Variants in ANXA11 observed in about 807,000 individuals in gnomAD.
ANXA11 encodes the protein annexin A11.
ANXA11 carries 57 observed loss-of-function variants against 64.7 expected under a neutral mutation model. The observed-to-expected ratio is 0.88, with a 90% CI of 0.71 to 1.10. The LOEUF is 1.10. ANXA11 is among the 50% of genes least tolerant of loss of function. The pLI is 0.00. For synonymous variants in ANXA11, 260 were observed against 265.2 expected (o/e 0.98, Z 0.19); for missense variants, 675 against 670.7 (o/e 1.01, Z -0.07).
chr10:80,200,198 T>C (rs1485570240), intron 1 of ANXA11, among the ~76,000 whole-genome samples: 1 of 152,226 alleles, frequency 6.6e-6, no homozygotes, highest in South Asian at 2.1e-4. Context: ...AGGGAGCTCA[T>C]GGTCATCAGT....
chr10:80,164,007 G>C, intron 9 of ANXA11, 46 bp downstream of exon 9: 4 of 1,512,204 alleles, frequency 2.6e-6, no homozygotes, highest in Non-Finnish European at 3.7e-6. Flanking sequence ...AAGAGCACAG[G>C]GATCTGCAGA....
intron 1 of ANXA11, among the ~76,000 whole-genome samples, chr10:80,184,198 T>C (rs1293633966): frequency 1.3e-5 from 2 of 152,244 alleles, no homozygotes; most frequent in Non-Finnish European, 2.9e-5. Context: ...ATTTCATCTG[T>C]AACTGTTCAT....
Position 80,163,525 on chromosome 10 carries a change from GA to G in ANXA11, c.1029+8del. The stretch of plus-strand genomic sequence containing the variant: ...TTGGGGGCCCCGAGCCCTGTCGTGG[GA>G]AAAGTACCTGAGAGAGAGAGATGAG... On this transcript the variant is annotated splice_region_variant and intron_variant, in intron 10 of 15. Coordinates refer to ENST00000422982, the MANE Select transcript of ANXA11 (RefSeq NM_145868.2). 1 of 1,588,668 alleles carries G rather than the reference GA, an allele frequency of 6.3e-7. No individual in the cohort carries two copies. Among genetic ancestry groups the G allele is most frequent in the Non-Finnish European group, 8.6e-7 (1 of 1,166,734 alleles).
In ANXA11 at chr10:80,155,700, T is replaced by C. The variant is rs1042028572; in HGVS notation, c.*153A>G. 3.9e-6 allele frequency: 3 copies of C among 775,976 alleles called. No individual in the cohort carries two copies. Among genetic ancestry groups the C allele is most frequent in the Non-Finnish European group, 6.6e-6 (3 of 453,702 alleles). 48.1% of individuals were successfully genotyped at this position (775,976 alleles called of 1,614,324 possible). A position where few individuals can be genotyped will look rare whatever the true frequency, so the allele number is the denominator to read the frequency against. ...GACCGACCCAGGTCCTGTGGCACAC[T>C]ATACGGGTCAGGAGGGGTGGAAGAC... is the stretch of plus-strand genomic sequence containing the variant. On this transcript the variant is annotated 3_prime_UTR_variant, in exon 16 of 16. Transcript: ENST00000422982.
intron 1 of ANXA11, among the ~76,000 whole-genome samples, chr10:80,177,347 G>A (rs998000371): frequency 1.3e-5 from 2 of 152,030 alleles, no homozygotes; most frequent in African/African-American, 2.4e-5. Context: ...TGCAGGGCGG[G>A]ACCTTCATCT....
rs1252168867 is a variant in ANXA11, at chr10:80,169,207, G to A, written c.323C>T (p.Pro108Leu). ...CCTGGAGGGTGGGTTTCCTCCTGGG[G>A]GTGGATACATCCCATAGGGAGGAAC... ...QPVPPYGMYP[P>L]PGGNPPSRMP... Residue 108 changes from proline (P) to leucine (L), a missense_variant, in exon 5 of 16, where the codon CCC becomes CTC. Transcript: ENST00000422982. The A allele has an allele frequency of 8.1e-6, 13 of 1,609,800 alleles. No individual in the cohort carries two copies. The highest frequency in any genetic ancestry group is 1.0e-5 in the Non-Finnish European group (12 of 1,178,560).
rs181277304 is a variant in ANXA11, at chr10:80,197,775, T to C, written c.-58+7568A>G. Among the ~76,000 whole-genome samples the C allele has an allele frequency of 5.3e-3, 803 of 152,032 alleles. 5 individuals are homozygous for C. The highest frequency in any genetic ancestry group is 0.018 in the African/African-American group (748 of 41,444). ...GTCTCTACTAAAAATACAAAAAAAA[T>C]TAGCAAAGCGCAGTGGCGGGCGCCT... On this transcript the variant is annotated intron_variant, in intron 1 of 15. Transcript: ENST00000422982.
chr10:80,187,569 A>ACACACT (rs1331391278), intron 1 of ANXA11, among the ~76,000 whole-genome samples: 5 of 118,806 alleles, frequency 4.2e-5, no homozygotes, highest in African/African-American at 1.5e-4. Flanking sequence ...ACACACACAC[A>ACACACT]CTCTCTCTCT....
At chr10:80,191,898 T>G (rs997944125) in intron 1 of ANXA11, among the ~76,000 whole-genome samples, 32 of 152,150 alleles carry the variant, frequency 2.1e-4, no homozygotes, top group African/African-American at 7.0e-4. Context: ...TCACCCCATT[T>G]CACAAATGGT....
At position 80,164,085 on chromosome 10, in the gene ANXA11, T is replaced by C; in HGVS notation, c.917A>G (p.His306Arg). 1 of 1,614,128 alleles carries C rather than the reference T, an allele frequency of 6.2e-7. No individual in the cohort carries two copies. Among genetic ancestry groups the C allele is most frequent in the Non-Finnish European group, 8.5e-7 (1 of 1,179,990 alleles). Residue 306 changes from histidine to arginine, a missense_variant, in exon 9 of 16, where the codon CAC (histidine) becomes CGC (arginine). By Grantham distance (29) the His-to-Arg change is conservative. Transcript: ENST00000422982. Reference sequence around the variant, plus strand: ...GTAGGCTCTGTTTAATTCTCGGATGTGCTCATTGCTGCGGGAAGCGAGGAT... The same window carrying C: ...GTAGGCTCTGTTTAATTCTCGGATGCGCTCATTGCTGCGGGAAGCGAGGAT... ...IEILASRSNE[H>R]IRELNRAYKA...
At chr10:80,156,233 G>A in intron 15 of ANXA11, 1 of 433,820 alleles carries the variant, frequency 2.3e-6, no homozygotes, top group Non-Finnish European at 4.3e-6. Flanking sequence ...GTGCATTTAT[G>A]CTGCCTTAAA....
chr10:80,165,056 A>G (rs1219408843), intron 8 of ANXA11, among the ~76,000 whole-genome samples: 1 of 152,154 alleles, frequency 6.6e-6, no homozygotes, highest in Non-Finnish European at 1.5e-5. Flanking sequence ...ACACTCCACA[A>G]CCACCAGCTC....
intron 1 of ANXA11, among the ~76,000 whole-genome samples, chr10:80,192,215 G>A (rs573406643): frequency 1.7e-4 from 26 of 152,312 alleles, no homozygotes; most frequent in African/African-American, 5.5e-4. Context: ...CAATATTGGG[G>A]AATAACTGCC....
intron 1 of ANXA11, among the ~76,000 whole-genome samples, chr10:80,190,715 G>A (rs1846737072): frequency 6.7e-6 from 1 of 150,196 alleles, no homozygotes; most frequent in Non-Finnish European, 1.5e-5. Context: ...TCGATCTCCT[G>A]ACCTCGTGAT....
At chr10:80,169,960 C>T (rs1348903505) in intron 4 of ANXA11, among the ~76,000 whole-genome samples, 3 of 152,136 alleles carry the variant, frequency 2.0e-5, no homozygotes, top group Middle Eastern at 3.2e-3. Flanking sequence ...GACATCCATA[C>T]AGCACTTCCT....
intron 5 of ANXA11, among the ~76,000 whole-genome samples, chr10:80,168,071 T>C (rs866628532): frequency 6.6e-6 from 1 of 152,026 alleles, no homozygotes; most frequent in South Asian, 2.1e-4. Flanking sequence ...CTAAAAATAG[T>C]CATTGAGCAC....
chr10:80,205,204 C>T (rs1354882895), intron 1 of ANXA11, 139 bp downstream of exon 1: 10 of 152,244 alleles, frequency 6.6e-5, no homozygotes, highest in African/African-American at 2.2e-4. Flanking sequence ...CCCCCCACCC[C>T]CACGCCTGTA....
At chr10:80,181,747 C>T (rs1454942757) in intron 1 of ANXA11, among the ~76,000 whole-genome samples, 1 of 152,200 alleles carries the variant, frequency 6.6e-6, no homozygotes, top group East Asian at 1.9e-4. Flanking sequence ...TACTACTATA[C>T]ACCTATTAGA....
chr10:80,166,218 A>T lies in ANXA11; in HGVS notation c.745-21T>A, dbSNP rs771194919. The T allele has an allele frequency of 2.8e-5, 40 of 1,403,534 alleles. No homozygotes were observed. The South Asian group carries it at 4.5e-4, about 16-fold the overall frequency. The allele number at this position is 1,403,534 out of a possible 1,614,324, so 86.9% of individuals were successfully genotyped here. On this transcript the variant is annotated intron_variant, in intron 7 of 15. Coordinates refer to ENST00000422982, the MANE Select transcript of ANXA11 (RefSeq NM_145868.2). ...AAATCCTGATTGGATATTCAAACAA[A>T]CAACCAACAAAAAAAAAAACAAGTC... is the stretch of plus-strand genomic sequence containing the variant.
Sources: gnomAD v4.1 joint callset for allele counts (sites outside exome capture counted in the v4.1 genomes callset) on GRCh38, gnomAD v4.1.1 for gene constraint, MANE v1.5 for transcripts, NCBI Gene and HGNC (gene_info 2026-07-23, HGNC 2026-07-21) for gene names.